OTUD7A: variants seen among roughly 807,000 people sequenced by gnomAD.
OTUD7A encodes OTU domain-containing protein 7A.
In OTUD7A, 12 loss-of-function variants were observed where a neutral mutation model predicts 65.7. That is an observed-to-expected ratio of 0.18 (90% CI 0.12 to 0.30). OTUD7A has a LOEUF of 0.30. Ranked by LOEUF, OTUD7A falls within the 10% of genes least tolerant of loss-of-function variation. OTUD7A has a pLI of 1.00. For synonymous variants in OTUD7A, 641 were observed against 586.3 expected (o/e 1.09, Z -1.35); for missense variants, 1,148 against 1,304.8 (o/e 0.88, Z 1.85).
chr15:31,822,906 C>A (rs1896719826), intron 1 of OTUD7A, among the ~76,000 whole-genome samples: 1 of 152,176 alleles, frequency 6.6e-6, no homozygotes. Context: ...CTTAAAAAGA[C>A]ACTCTTAATT....
intron 8 of OTUD7A, among the ~76,000 whole-genome samples, chr15:31,504,455 A>G (rs1406302096): frequency 6.6e-6 from 1 of 152,192 alleles, no homozygotes; most frequent in East Asian, 1.9e-4. Flanking sequence ...AGGCTCAAGA[A>G]TGCTTCCACT....
At chr15:31,726,531 A>G (rs1225613581) in intron 1 of OTUD7A, among the ~76,000 whole-genome samples, 2 of 152,222 alleles carry the variant, frequency 1.3e-5, no homozygotes, top group Non-Finnish European at 2.9e-5. Flanking sequence ...AAATGTAAAC[A>G]CTACGGACAG....
chr15:31,785,451 A>G (rs1481774924), intron 1 of OTUD7A, among the ~76,000 whole-genome samples: 1 of 152,190 alleles, frequency 6.6e-6, no homozygotes, highest in Non-Finnish European at 1.5e-5. Context: ...TAAATGAAAG[A>G]GGAACAGCAA....
At chr15:31,653,345 C>T (rs1309782374) in intron 3 of OTUD7A, among the ~76,000 whole-genome samples, 1 of 152,004 alleles carries the variant, frequency 6.6e-6, no homozygotes, top group East Asian at 1.9e-4. Context: ...GTTGTAACTG[C>T]CAAAAATGGA....
At chr15:31,614,626 C>T (rs1890530839) in intron 3 of OTUD7A, among the ~76,000 whole-genome samples, 1 of 151,642 alleles carries the variant, frequency 6.6e-6, no homozygotes, top group East Asian at 1.9e-4. Context: ...AAAGCAGATG[C>T]AAAATAAAAA....
intron 3 of OTUD7A, among the ~76,000 whole-genome samples, chr15:31,642,757 G>A (rs1395948090): frequency 1.3e-5 from 2 of 151,792 alleles, no homozygotes; most frequent in Non-Finnish European, 2.9e-5. Flanking sequence ...TCTTGATATT[G>A]TTAATTTGTA....
intron 9 of OTUD7A, among the ~76,000 whole-genome samples, chr15:31,503,020 G>A (rs548459423): frequency 9.8e-5 from 15 of 152,354 alleles, no homozygotes; most frequent in African/African-American, 3.6e-4. Context: ...GCTGGAGGGA[G>A]GACAGGCTTT....
In OTUD7A at chr15:31,860,637, A is replaced by ATATATATATATATG. The variant is rs1296261170; in HGVS notation, c.-100+9869_-100+9870insCATATATATATATA. Among the ~76,000 whole-genome samples the ATATATATATATATG allele has an allele frequency of 1.6e-5, 2 of 127,434 alleles. 1 individual carries two copies. The highest frequency in any genetic ancestry group is 3.3e-5 in the Non-Finnish European group (2 of 59,826). 83.6% of individuals were successfully genotyped at this position (127,434 alleles called of 152,430 possible). ...CAGAAGTGGAGATATATATATATATATATATATGTATGTATGTGTGTATAT... is the reference window on the plus strand; with the variant it reads ...CAGAAGTGGAGATATATATATATATATATATATATATATGTATATATGTATGTATGTGTGTATAT... On this transcript the variant is annotated intron_variant, in intron 1 of 12. Coordinates refer to ENST00000307050, the MANE Select transcript of OTUD7A (RefSeq NM_001382637.1).
intron 1 of OTUD7A, among the ~76,000 whole-genome samples, chr15:31,846,081 T>G (rs1467650357): frequency 6.6e-6 from 1 of 152,232 alleles, no homozygotes; most frequent in Non-Finnish European, 1.5e-5. Context: ...TTCAAGCCCC[T>G]GCAACTCCAC....
At chr15:31,662,707 C>A (rs1274009911) in intron 1 of OTUD7A, among the ~76,000 whole-genome samples, 1 of 152,194 alleles carries the variant, frequency 6.6e-6, no homozygotes, top group African/African-American at 2.4e-5. Flanking sequence ...TCATTGTTTA[C>A]AGGACTTCTT....
Position 31,484,288 on chromosome 15 carries a change from G to C in OTUD7A, c.1808C>G (p.Ala603Gly). Residue 603 changes from alanine to glycine, a missense_variant, in exon 13 of 13, where the codon GCG becomes GGG. Physicochemically the swap from Ala to Gly is moderately conservative, Grantham distance 60 (BLOSUM62 0). Coordinates refer to ENST00000307050, the MANE Select transcript of OTUD7A (RefSeq NM_001382637.1). This position sits in a 1 kb window ranked among gnomAD's most constrained non-coding sequence, Gnocchi z 4.5. ...KTTPSPTDKAAGASPAEKGGG... is the reference protein window; with the variant it reads ...KTTPSPTDKAGGASPAEKGGG... The stretch of plus-strand genomic sequence containing the variant: ...GCCCTTCTCCGCCGGCGACGCGCCC[G>C]CTGCCTTGTCTGTGGGCGACGGCGT... The C allele has an allele frequency of 6.3e-7, 1 of 1,593,784 alleles. No homozygotes were observed. Among genetic ancestry groups the C allele is most frequent in the Non-Finnish European group, 8.5e-7 (1 of 1,174,572 alleles).
intron 1 of OTUD7A, among the ~76,000 whole-genome samples, chr15:31,788,742 T>C (rs1895738487): frequency 6.6e-6 from 1 of 152,088 alleles, no homozygotes; most frequent in Non-Finnish European, 1.5e-5. Flanking sequence ...AGAGAAAAGG[T>C]ACCCTTAGAA....
At chr15:31,635,138 C>T (rs1891299455) in intron 3 of OTUD7A, among the ~76,000 whole-genome samples, 1 of 152,198 alleles carries the variant, frequency 6.6e-6, no homozygotes, top group Non-Finnish European at 1.5e-5. Flanking sequence ...CTTTTAAACC[C>T]CAAGCAAAGC....
intron 10 of OTUD7A, among the ~76,000 whole-genome samples, chr15:31,493,481 G>A (rs1471056556): frequency 6.6e-6 from 1 of 152,226 alleles, no homozygotes; most frequent in African/African-American, 2.4e-5. Flanking sequence ...CAAGTAGGCA[G>A]AAACCAGTAA....
chr15:31,516,683 G>A (rs1174347877), intron 8 of OTUD7A, among the ~76,000 whole-genome samples: 1 of 152,200 alleles, frequency 6.6e-6, no homozygotes, highest in African/African-American at 2.4e-5. Flanking sequence ...CTAGCAGACT[G>A]GGCTTTCCAC....
chr15:31,586,904 G>A (rs540621299), intron 3 of OTUD7A, among the ~76,000 whole-genome samples: 9 of 152,062 alleles, frequency 5.9e-5, no homozygotes, highest in Middle Eastern at 3.4e-3. Flanking sequence ...CTTGCTGAAG[G>A]GCTCCAGCCC....
chr15:31,683,192 T>C (rs1378437451), intron 1 of OTUD7A, among the ~76,000 whole-genome samples: 1 of 152,208 alleles, frequency 6.6e-6, no homozygotes, highest in Non-Finnish European at 1.5e-5. Context: ...ATTCAGTGTT[T>C]TATTTTAGTG....
intron 1 of OTUD7A, among the ~76,000 whole-genome samples, chr15:31,792,736 C>T (rs1895851369): frequency 6.6e-6 from 1 of 152,190 alleles, no homozygotes; most frequent in Non-Finnish European, 1.5e-5. Context: ...CTGCCATCCC[C>T]CACTGGCTTC....
Position 31,770,394 on chromosome 15 carries a change from T to A in OTUD7A, c.-100+100113A>T, listed in dbSNP as rs545271945. Among the ~76,000 whole-genome samples, 6 of 152,222 alleles carry A rather than the reference T, an allele frequency of 3.9e-5. No individual in the cohort carries two copies. In the South Asian group the frequency reaches 1.0e-3, roughly 26 times the overall value. On this transcript the variant is annotated intron_variant, in intron 1 of 12. Coordinates refer to ENST00000307050, the MANE Select transcript of OTUD7A (RefSeq NM_001382637.1). ...AAAGAAAGTAGAAAATCTGAATAAA[T>A]CAATAACAAGCAAAGGAATTAAGCT... is the stretch of plus-strand genomic sequence containing the variant.
Sources: gnomAD v4.1 joint callset for allele counts (sites outside exome capture counted in the v4.1 genomes callset) on GRCh38, gnomAD v4.1.1 for gene constraint, Gnocchi (gnomAD v3.1) non-coding constraint, MANE v1.5 for transcripts, NCBI Gene and HGNC (gene_info 2026-07-23, HGNC 2026-07-21) for gene names.